Variants in HAPLN3 observed in about 807,000 individuals in gnomAD.
The protein encoded by HAPLN3 is hyaluronan and proteoglycan link protein 3.
HAPLN3 carries 28 observed loss-of-function variants against 28.1 expected under a neutral mutation model. That is an observed-to-expected ratio of 1.00 (90% CI 0.74 to 1.37). HAPLN3 has a LOEUF of 1.37. Among genes scored for constraint, HAPLN3 ranks in the 40% most tolerant of loss-of-function variants. HAPLN3 has a pLI of 0.00. For synonymous variants in HAPLN3, 211 were observed against 213.1 expected (o/e 0.99, Z 0.09); for missense variants, 513 against 504.6 (o/e 1.02, Z -0.16).
intron 2 of HAPLN3, among the ~76,000 whole-genome samples, chr15:88,886,968 T>C (rs959325588): frequency 6.6e-6 from 1 of 152,162 alleles, no homozygotes; most frequent in Admixed American, 6.5e-5. Flanking sequence ...CCTAAGTGAA[T>C]TGGGCCCCAT....
chr15:88,878,258 T>A lies in HAPLN3; in HGVS notation c.797-2A>T. ...GGTGCTCCAGGTAGTACACCCGCCC[T>A]GGGGGAAAGGGGGCGTGAGTGCCGT... On this transcript the variant is annotated splice_acceptor_variant, in intron 4 of 4. Coordinates refer to ENST00000359595, the MANE Select transcript of HAPLN3 (RefSeq NM_178232.4). LOFTEE classifies it high-confidence loss of function. 1 of 1,608,972 alleles carries A rather than the reference T, an allele frequency of 6.2e-7. No individual in the cohort carries two copies. Among genetic ancestry groups the A allele is most frequent in the Non-Finnish European group, 8.5e-7 (1 of 1,176,918 alleles).
intron 2 of HAPLN3, among the ~76,000 whole-genome samples, chr15:88,882,436 C>T (rs557957065): frequency 6.6e-6 from 1 of 152,326 alleles, no homozygotes; most frequent in East Asian, 1.9e-4. Flanking sequence ...ACCACACTGG[C>T]CAGAGGACAG....
chr15:88,880,637 T>C lies in HAPLN3; in HGVS notation c.493+720A>G, dbSNP rs1161153741. On this transcript the variant is annotated intron_variant, in intron 3 of 4. Coordinates refer to ENST00000359595, the MANE Select transcript of HAPLN3 (RefSeq NM_178232.4). This position sits in a 1 kb window ranked among gnomAD's most constrained non-coding sequence, Gnocchi z 6.0. ...TAGAGACAGAGAAGGTAAATACAAATTAAAGATCAAACAGGGACCCCACAT... is the reference window on the plus strand; with the variant it reads ...TAGAGACAGAGAAGGTAAATACAAACTAAAGATCAAACAGGGACCCCACAT... 3.9e-6 allele frequency: 5 copies of C among 1,283,554 alleles called. No individual in the cohort carries two copies. The highest frequency in any genetic ancestry group is 5.1e-6 in the Non-Finnish European group (5 of 984,308). The allele number at this position is 1,283,554 out of a possible 1,614,324, so 79.5% of individuals were successfully genotyped here. A position where few individuals can be genotyped will look rare whatever the true frequency, so the allele number is the denominator to read the frequency against.
At chr15:88,891,105 C>T (rs138359149) in intron 1 of HAPLN3, among the ~76,000 whole-genome samples, 3,946 of 152,224 alleles carry the variant, frequency 0.026, 168 homozygotes, top group African/African-American at 0.087. Flanking sequence ...GTCTTGAACT[C>T]CTGACCTCAG....
In HAPLN3 at chr15:88,877,931, C is replaced by G; in HGVS notation, c.*39G>C. 1 of 1,539,924 alleles carries G rather than the reference C, an allele frequency of 6.5e-7. No homozygotes were observed. Among genetic ancestry groups the G allele is most frequent in the Non-Finnish European group, 8.8e-7 (1 of 1,142,846 alleles). On this transcript the variant is annotated 3_prime_UTR_variant, in exon 5 of 5. Coordinates refer to ENST00000359595, the MANE Select transcript of HAPLN3 (RefSeq NM_178232.4). The surrounding 1 kb of genome is among the most constrained non-coding windows in gnomAD (Gnocchi z 5.1). ...GAAAACGAACCACTCAATAAATACA[C>G]AGCCAGTGAGGGAATGCGGCAGGGG...
chr15:88,892,587 G>T (rs1306684448), intron 1 of HAPLN3, among the ~76,000 whole-genome samples: 1 of 152,158 alleles, frequency 6.6e-6, no homozygotes, highest in African/African-American at 2.4e-5. Flanking sequence ...CAGGCCCAAG[G>T]TTTCAAGTTA....
chr15:88,885,217 G>T (rs947109977), intron 2 of HAPLN3, among the ~76,000 whole-genome samples: 2 of 152,226 alleles, frequency 1.3e-5, no homozygotes, highest in Non-Finnish European at 2.9e-5. Flanking sequence ...CATGGCAGGT[G>T]CTGGCTATTA....
At position 88,895,228 on chromosome 15, in the gene HAPLN3, T is replaced by C. The variant is rs992232077; in HGVS notation, c.-48+231A>G. ...TGCTCCCTCACGGTGGGCACGAGGGTCCGGCGCCCGCATCCCCGCGCCGCT... is the reference window on the plus strand; with the variant it reads ...TGCTCCCTCACGGTGGGCACGAGGGCCCGGCGCCCGCATCCCCGCGCCGCT... On this transcript the variant is annotated intron_variant, in intron 1 of 4. Transcript: ENST00000359595. This position sits in a 1 kb window ranked among gnomAD's most constrained non-coding sequence, Gnocchi z 5.5. Among the ~76,000 whole-genome samples, 15 of 151,686 alleles carry C rather than the reference T, an allele frequency of 9.9e-5. No individual in the cohort carries two copies. The highest frequency in any genetic ancestry group is 3.4e-4 in the African/African-American group (14 of 41,284).
At position 88,881,126 on chromosome 15, in the gene HAPLN3, AC is replaced by A. The variant is rs1236921796; in HGVS notation, c.493+230del. ...CTAGAGGCTGGGTGCTTGGGTTCAG[AC>A]CCCAGCTCTGTCGTTTACAAGCTGT... On this transcript the variant is annotated intron_variant, in intron 3 of 4. Coordinates refer to ENST00000359595, the MANE Select transcript of HAPLN3 (RefSeq NM_178232.4). The surrounding 1 kb of genome is among the most constrained non-coding windows in gnomAD (Gnocchi z 6.0). 2 of 574,252 alleles carry A rather than the reference AC, an allele frequency of 3.5e-6. No homozygotes were observed. Among genetic ancestry groups the A allele is most frequent in the African/African-American group, 3.8e-5 (2 of 53,078 alleles). 35.6% of individuals were successfully genotyped at this position (574,252 alleles called of 1,614,324 possible). A position where few individuals can be genotyped will look rare whatever the true frequency, so the allele number is the denominator to read the frequency against.
intron 4 of HAPLN3, among the ~76,000 whole-genome samples, chr15:88,878,547 G>A (rs973509268): frequency 2.0e-5 from 3 of 152,176 alleles, no homozygotes; most frequent in Admixed American, 2.0e-4. Context: ...TGCCCATTCG[G>A]TCATTTACTG....
intron 1 of HAPLN3, among the ~76,000 whole-genome samples, chr15:88,892,701 C>T (rs1898044095): frequency 6.6e-6 from 1 of 152,118 alleles, no homozygotes; most frequent in African/African-American, 2.4e-5. Flanking sequence ...CCAGAGAAGA[C>T]TAAAGGGGAA....
chr15:88,878,066 A>C lies in HAPLN3; in HGVS notation c.987T>G (p.His329Gln), dbSNP rs1897580455. The change falls in exon 5 of 5, where the codon CAT (histidine) becomes CAG (glutamine). Residue 329 changes from histidine to glutamine, a missense_variant. His to Gln is a conservative substitution (Grantham distance 24). Transcript: ENST00000359595. ...GSVRYPVVHP[H>Q]PNCGPPEPGV... ...CAGGCTCTGGGGGCCCACAGTTAGG[A>C]TGCGGGTGAACCACAGGGTAGCGGA... is the stretch of plus-strand genomic sequence containing the variant. 6.2e-6 allele frequency: 10 copies of C among 1,614,034 alleles called. No individual in the cohort carries two copies. The highest frequency in any genetic ancestry group is 4.0e-5 in the African/African-American group (3 of 75,034).
In HAPLN3 at chr15:88,878,035, G is replaced by A. The variant is rs372680045; in HGVS notation, c.1018C>T (p.Arg340Ter). The A allele has an allele frequency of 1.4e-5, 22 of 1,613,874 alleles. No individual in the cohort carries two copies. The highest frequency in any genetic ancestry group is 5.3e-5 in the African/African-American group (4 of 74,916). Reference sequence around the variant, plus strand: ...TGCGGGTCGGGGAAGCCAAAGCTTCGGACCCCAGGCTCTGGGGGCCCACAG... The same window carrying A: ...TGCGGGTCGGGGAAGCCAAAGCTTCAGACCCCAGGCTCTGGGGGCCCACAG... ...PNCGPPEPGV[R>*]SFGFPDPQSR... is the part of the protein sequence containing the mutation. Residue 340 changes from arginine to a stop codon, truncating the protein, a stop_gained, in exon 5 of 5, where the codon CGA (arginine) becomes TGA (stop). Transcript: ENST00000359595. LOFTEE classifies it low-confidence loss of function (END_TRUNC).
In HAPLN3 at chr15:88,881,772, G is replaced by A; in HGVS notation, c.125-47C>T. On this transcript the variant is annotated intron_variant, in intron 2 of 4. Transcript: ENST00000359595. This position sits in a 1 kb window ranked among gnomAD's most constrained non-coding sequence, Gnocchi z 6.0. Reference sequence around the variant, plus strand: ...AGATGAGACCTGCTGAAGCACATCTGTACCCCTGCAAGGGCCACCGCACAC... The same window carrying A: ...AGATGAGACCTGCTGAAGCACATCTATACCCCTGCAAGGGCCACCGCACAC... The A allele has an allele frequency of 6.4e-7, 1 of 1,560,860 alleles. No individual in the cohort carries two copies. The highest frequency in any genetic ancestry group is 8.7e-7 in the Non-Finnish European group (1 of 1,151,208).
chr15:88,878,755 G>T (rs1015752358), intron 4 of HAPLN3, among the ~76,000 whole-genome samples: 8 of 152,252 alleles, frequency 5.3e-5, no homozygotes, highest in Admixed American at 5.2e-4. Context: ...GATGAATGAA[G>T]AAACCAATGA....
intron 1 of HAPLN3, among the ~76,000 whole-genome samples, chr15:88,890,283 A>G (rs2141673535): frequency 6.6e-6 from 1 of 152,184 alleles, no homozygotes; most frequent in African/African-American, 2.4e-5. Flanking sequence ...GACACTACCA[A>G]CTCTGAAACC....
At chr15:88,889,407 C>T (rs567859736) in intron 1 of HAPLN3, among the ~76,000 whole-genome samples, 1 of 152,316 alleles carries the variant, frequency 6.6e-6, no homozygotes, top group Admixed American at 6.5e-5. Context: ...AAGATCTGAG[C>T]TCACTGCAAC....
rs548994367 is a variant in HAPLN3 at position 88,888,239 on chromosome 15, G to C, written c.-47-894C>G. Among the ~76,000 whole-genome samples, 30 of 151,758 alleles carry C rather than the reference G, an allele frequency of 2.0e-4. No homozygotes were observed. Among genetic ancestry groups the C allele is most frequent in the African/African-American group, 7.2e-4 (30 of 41,400 alleles). On this transcript the variant is annotated intron_variant, in intron 1 of 4. Coordinates refer to ENST00000359595, the MANE Select transcript of HAPLN3 (RefSeq NM_178232.4). The surrounding 1 kb of genome is among the most constrained non-coding windows in gnomAD (Gnocchi z 4.1). ...CCCGAGTAGCTGGGACTACAGGTGCGTGCCACCAAGCTCAGCTAATTTTTT... is the reference window on the plus strand; with the variant it reads ...CCCGAGTAGCTGGGACTACAGGTGCCTGCCACCAAGCTCAGCTAATTTTTT...
intron 1 of HAPLN3, among the ~76,000 whole-genome samples, chr15:88,893,792 G>A (rs1176214093): frequency 2.0e-5 from 3 of 151,916 alleles, no homozygotes; most frequent in East Asian, 1.9e-4. Context: ...GCCGAGTGTG[G>A]TGATGAGCGC....
Sources: allele counts gnomAD v4.1 joint callset (sites outside exome capture counted in the v4.1 genomes callset), GRCh38; gene constraint gnomAD v4.1.1; non-coding constraint Gnocchi (gnomAD v3.1); transcripts MANE v1.5; gene names NCBI Gene and HGNC (gene_info 2026-07-23, HGNC 2026-07-21).